KIF17: variants seen among roughly 807,000 people sequenced by gnomAD.
The protein encoded by KIF17 is kinesin-like protein KIF17.
A neutral mutation model predicts 96.8 loss-of-function variants in KIF17; 80 were observed. That is an observed-to-expected ratio of 0.83 (90% confidence interval 0.69 to 1.00). The LOEUF is 1.00. Ranked by LOEUF, KIF17 falls within the 50% of genes least tolerant of loss-of-function variation. The pLI, the probability that KIF17 is intolerant of heterozygous loss-of-function variation, is 0.00. For missense variants in KIF17, 1,280 were observed against 1,372.9 expected (o/e 0.93, Z 1.07); for synonymous variants, 567 against 587.5 (o/e 0.97, Z 0.51).
At chr1:20,686,421 G>T in intron 8 of KIF17, 2 of 519,594 alleles carry the variant, frequency 3.8e-6, no homozygotes, top group Non-Finnish European at 7.0e-6. Flanking sequence ...ACCCAGCCCA[G>T]AAAGGTCACA....
At chr1:20,688,985 G>A (rs1009353760) in intron 7 of KIF17, among the ~76,000 whole-genome samples, 4 of 152,106 alleles carry the variant, frequency 2.6e-5, no homozygotes, top group African/African-American at 9.7e-5. Flanking sequence ...TTTCTTTATC[G>A]TTATGTCCCA....
chr1:20,664,914 CT>C, intron 14 of KIF17, 152 bp from the exon 15 acceptor site: 1 of 728,356 alleles, frequency 1.4e-6, no homozygotes. Context: ...ACCCCAGGCT[CT>C]GCGAGGCTGC....
intron 3 of KIF17, among the ~76,000 whole-genome samples, chr1:20,712,271 G>A (rs12043764): frequency 1.3e-5 from 2 of 151,880 alleles, no homozygotes; most frequent in East Asian, 1.9e-4. Context: ...GGGCTGACAT[G>A]TGGGAGCAAC....
intron 8 of KIF17, 56 bp from the exon 9 acceptor site, chr1:20,686,182 C>A: frequency 7.0e-7 from 1 of 1,435,576 alleles, no homozygotes; most frequent in Non-Finnish European, 9.6e-7. Context: ...CAGAACCATC[C>A]TTTACTCCCT....
At position 20,713,554 on chromosome 1, in the gene KIF17, C is replaced by T. The variant is rs1381787904; in HGVS notation, c.380G>A (p.Cys127Tyr). 11 of 1,606,686 alleles carry T rather than the reference C, an allele frequency of 6.8e-6. No homozygotes were observed. Among genetic ancestry groups the T allele is most frequent in the Non-Finnish European group, 9.4e-6 (11 of 1,174,494 alleles). Residue 127 changes from cysteine (C) to tyrosine (Y), a missense_variant and splice_region_variant, in exon 3 of 15, where the codon TGT (cysteine) becomes TAT (tyrosine). Transcript: ENST00000400463. Reference protein sequence around the residue: ...AFEHVFESVQCAENTKFLVRA... With the variant: ...AFEHVFESVQYAENTKFLVRA... Reference sequence around the variant, plus strand: ...GACCAGGAACTTAGTGTTCTCTGCACACTGCAGGGAGTACACAGAAAGAAC... The same window carrying T: ...GACCAGGAACTTAGTGTTCTCTGCATACTGCAGGGAGTACACAGAAAGAAC...
chr1:20,686,031 CG>C lies in KIF17; in HGVS notation c.2019+14del. The stretch of plus-strand genomic sequence containing the variant: ...GAACCCCGTCCCCCACATGGAGGCC[CG>C]GGGAGGTACTCACAGGCCTGGGCGG... On this transcript the variant is annotated intron_variant, in intron 9 of 14. Transcript: ENST00000400463. The C allele has an allele frequency of 6.5e-7, 1 of 1,549,346 alleles. No homozygotes were observed.
Position 20,690,352 on chromosome 1 carries a change from G to GCGGCA in KIF17, c.1234-18_1234-17insTGCCG. 1 of 451,172 alleles carries GCGGCA rather than the reference G, an allele frequency of 2.2e-6. No individual in the cohort carries two copies. The highest frequency in any genetic ancestry group is 4.3e-6 in the Non-Finnish European group (1 of 235,150). The allele number at this position is 451,172 out of a possible 1,614,324, so 27.9% of individuals were successfully genotyped here. A position where few individuals can be genotyped will look rare whatever the true frequency, so the allele number is the denominator to read the frequency against. On this transcript the variant is annotated splice_polypyrimidine_tract_variant and intron_variant, in intron 6 of 14. Coordinates refer to ENST00000400463, the MANE Select transcript of KIF17 (RefSeq NM_001122819.3). Reference sequence around the variant, plus strand: ...TTCATACTCCTGGGGGGGTGGGAGGGACCAGAGGGCAGGCAGCATTTTATC... The same window carrying GCGGCA: ...TTCATACTCCTGGGGGGGTGGGAGGGCGGCAACCAGAGGGCAGGCAGCATTTTATC...
chr1:20,697,547 C>A (rs538071493), intron 6 of KIF17, among the ~76,000 whole-genome samples: 1 of 152,290 alleles, frequency 6.6e-6, no homozygotes, highest in East Asian at 1.9e-4. Flanking sequence ...TTTGAAGGTG[C>A]AGTGAGTTGA....
rs563247176 is a variant in KIF17 at position 20,716,422 on chromosome 1, C to T, written c.232-783G>A. 5.3e-5 allele frequency among the ~76,000 whole-genome samples: 8 copies of T among 152,290 alleles called. No homozygotes were observed. The South Asian group carries it at 8.3e-4, about 16-fold the overall frequency. ...GGACACGTACAGGTGATTCTCGTGG[C>T]GGGCTATGGGGCGGGGCACACAGCG... On this transcript the variant is annotated intron_variant, in intron 1 of 14. Transcript: ENST00000400463.
At position 20,704,791 on chromosome 1, in the gene KIF17, G is replaced by A. The variant is rs1372741853; in HGVS notation, c.779C>T (p.Ala260Val). 2.5e-6 allele frequency: 4 copies of A among 1,609,800 alleles called. No individual in the cohort carries two copies. Among genetic ancestry groups the A allele is most frequent in the Non-Finnish European group, 3.4e-6 (4 of 1,179,584 alleles). ...TGATGERLKE[A>V]TKINLSLSAL... ...CGAGAGCGACAGGTTGATCTTGGTG[G>A]CCTCCTTGAGCCGCTCGCCCGTGGC... The change falls in exon 5 of 15, where the codon GCC becomes GTC. Residue 260 changes from alanine to valine, a missense_variant. Coordinates refer to ENST00000400463, the MANE Select transcript of KIF17 (RefSeq NM_001122819.3). The surrounding 1 kb of genome is among the most constrained non-coding windows in gnomAD (Gnocchi z 6.8).
intron 6 of KIF17, among the ~76,000 whole-genome samples, chr1:20,691,624 ATTTTTTT>A (rs72410884): frequency 8.1e-6 from 1 of 122,990 alleles, no homozygotes; most frequent in Non-Finnish European, 1.7e-5. Flanking sequence ...ACGTCTGGCT[ATTTTTTT>A]TTTTTTTTTT....
In KIF17 at chr1:20,687,617, T is replaced by C. The variant is rs749233289; in HGVS notation, c.1709A>G (p.Glu570Gly). ...ATCCAGGAAGTATCTGCTCCTGGACTCCTCAGTGGGCATGGAGACCTCCAC... is the reference window on the plus strand; with the variant it reads ...ATCCAGGAAGTATCTGCTCCTGGACCCCTCAGTGGGCATGGAGACCTCCAC... ...SNVEVSMPTE[E>G]SRSRYFLDEC... Residue 570 changes from glutamate (E) to glycine (G), a missense_variant, in exon 8 of 15, where the codon GAG becomes GGG. Transcript: ENST00000400463. The surrounding 1 kb of genome is among the most constrained non-coding windows in gnomAD (Gnocchi z 4.4). 1.2e-6 allele frequency: 2 copies of C among 1,614,066 alleles called. No individual in the cohort carries two copies. The highest frequency in any genetic ancestry group is 1.7e-6 in the Non-Finnish European group (2 of 1,179,986).
Position 20,672,308 on chromosome 1 carries a change from C to G in KIF17, c.2464-112G>C. 2 of 1,364,706 alleles carry G rather than the reference C, an allele frequency of 1.5e-6. No homozygotes were observed. Among genetic ancestry groups the G allele is most frequent in the South Asian group, 2.5e-5 (2 of 80,968 alleles). 84.5% of individuals were successfully genotyped at this position (1,364,706 alleles called of 1,614,324 possible). A position where few individuals can be genotyped will look rare whatever the true frequency, so the allele number is the denominator to read the frequency against. ...AGCCACGCATCGTCTGTTCATTGGC[C>G]TGATCAGCCATCCATTCTCATCCCC... On this transcript the variant is annotated intron_variant, in intron 11 of 14. Coordinates refer to ENST00000400463, the MANE Select transcript of KIF17 (RefSeq NM_001122819.3). The surrounding 1 kb of genome is among the most constrained non-coding windows in gnomAD (Gnocchi z 4.3).
chr1:20,689,813 G>A (rs942404639), intron 7 of KIF17, among the ~76,000 whole-genome samples: 2 of 152,152 alleles, frequency 1.3e-5, no homozygotes, highest in Non-Finnish European at 2.9e-5. Flanking sequence ...TCGGGGCAGG[G>A]ACTGGCCTCT....
chr1:20,669,553 A>AATAATG (rs1422444300), intron 13 of KIF17, among the ~76,000 whole-genome samples: 6 of 134,858 alleles, frequency 4.4e-5, no homozygotes, highest in Non-Finnish European at 3.1e-5. Flanking sequence ...TAATAATAAT[A>AATAATG]ATAATAATAA....
chr1:20,689,764 G>A (rs1453025668), intron 7 of KIF17, among the ~76,000 whole-genome samples: 1 of 149,996 alleles, frequency 6.7e-6, no homozygotes, highest in Non-Finnish European at 1.5e-5. Context: ...TGCTAACAGA[G>A]AGGCTCAAAA....
intron 6 of KIF17, 51 bp downstream of exon 6, chr1:20,698,328 G>A: frequency 7.5e-7 from 1 of 1,336,930 alleles, no homozygotes; most frequent in East Asian, 2.3e-5. Context: ...CCTTCCCGCT[G>A]GGCCCCACCT....
chr1:20,701,170 A>C (rs2154536979), intron 5 of KIF17, among the ~76,000 whole-genome samples: 1 of 152,328 alleles, frequency 6.6e-6, no homozygotes, highest in African/African-American at 2.4e-5. Flanking sequence ...GAGGTGGCTC[A>C]TGCCTGTAAT....
At chr1:20,717,327 G>T in intron 1 of KIF17, 149 bp downstream of exon 1, 3 of 816,268 alleles carry the variant, frequency 3.7e-6, no homozygotes, top group South Asian at 1.7e-5. Flanking sequence ...TGTCCCGCCT[G>T]GACAAAAGCC....
Sources: gnomAD v4.1 joint callset for allele counts (sites outside exome capture counted in the v4.1 genomes callset) on GRCh38, gnomAD v4.1.1 for gene constraint, Gnocchi (gnomAD v3.1) non-coding constraint, MANE v1.5 for transcripts, NCBI Gene and HGNC (gene_info 2026-07-23, HGNC 2026-07-21) for gene names.